Variants in ARHGEF38 observed in about 807,000 individuals in gnomAD.
The protein encoded by ARHGEF38 is Rho guanine nucleotide exchange factor 38, also known as Rho guanine nucleotide exchange factor (GEF) 38.
Under a neutral mutation model 79.9 loss-of-function variants are expected in ARHGEF38, and 79 were observed. The ratio of observed to expected loss-of-function variants is 0.99; its 90% CI spans 0.82 to 1.19. The LOEUF is 1.19. Among genes scored for constraint, ARHGEF38 ranks in the 50% most tolerant of loss-of-function variants. The probability of loss-of-function intolerance (pLI) is 0.00; values close to 1 mark genes in which losing one functional copy is unlikely to be tolerated. For synonymous variants in ARHGEF38, 366 were observed against 328.3 expected, an observed-to-expected ratio of 1.11 and a Z score of -1.24; for missense variants, 962 against 907.2, an observed-to-expected ratio of 1.06 and a Z score of -0.78.
intron 9 of ARHGEF38, among the ~76,000 whole-genome samples, chr4:105,656,413 C>T (rs1730328041): frequency 6.6e-6 from 1 of 152,236 alleles, no homozygotes; most frequent in East Asian, 1.9e-4. Context: ...GCAAAGACTT[C>T]CTATTGAGAA....
chr4:105,632,534 A>C (rs1274388646), intron 4 of ARHGEF38, among the ~76,000 whole-genome samples: 6 of 152,220 alleles, frequency 3.9e-5, no homozygotes, highest in South Asian at 2.1e-4. Context: ...TATTAGAAGC[A>C]CAGTCCTCTA....
intron 4 of ARHGEF38, chr4:105,631,672 G>A (rs1011096863): frequency 1.0e-6 from 1 of 980,568 alleles, no homozygotes; most frequent in East Asian, 1.1e-4. Flanking sequence ...AAAACCCCTT[G>A]CTATTTCACT....
chr4:105,609,352 T>C (rs1728187240), intron 2 of ARHGEF38, among the ~76,000 whole-genome samples: 1 of 152,086 alleles, frequency 6.6e-6, no homozygotes. Flanking sequence ...CATTGGTGTA[T>C]GTATCTGTTA....
chr4:105,616,019 A>G lies in ARHGEF38; in HGVS notation c.508+2512A>G, dbSNP rs191234386. 2.2e-3 allele frequency among the ~76,000 whole-genome samples: 332 copies of G among 152,260 alleles called. 4 individuals are homozygous for G. Among genetic ancestry groups the G allele is most frequent in the Non-Finnish European group, 7.8e-4 (53 of 68,018 alleles). ...TGGGTGGCCCATGTCATGACCTATG[A>G]GAGGCATGAAGCCATCGGGATGCCA... On this transcript the variant is annotated intron_variant, in intron 3 of 13. Coordinates refer to ENST00000420470, the MANE Select transcript of ARHGEF38 (RefSeq NM_001242729.2).
intron 1 of ARHGEF38, among the ~76,000 whole-genome samples, chr4:105,559,818 AG>A (rs1436639764): frequency 6.6e-6 from 1 of 152,038 alleles, no homozygotes; most frequent in Non-Finnish European, 1.5e-5. Flanking sequence ...TGAAAGTAAG[AG>A]GGAAGGGGAG....
chr4:105,593,907 T>G (rs756951088), intron 2 of ARHGEF38, among the ~76,000 whole-genome samples: 1 of 152,220 alleles, frequency 6.6e-6, no homozygotes, highest in Non-Finnish European at 1.5e-5. Flanking sequence ...ACATTTGGCT[T>G]TTGCTCTCAA....
At chr4:105,607,100 C>T (rs1211353034) in intron 2 of ARHGEF38, among the ~76,000 whole-genome samples, 2 of 152,068 alleles carry the variant, frequency 1.3e-5, no homozygotes, top group African/African-American at 2.4e-5. Flanking sequence ...TGATGGGGTT[C>T]AGGCCGATTC....
chr4:105,608,382 T>A (rs1728145412), intron 2 of ARHGEF38, among the ~76,000 whole-genome samples: 1 of 152,042 alleles, frequency 6.6e-6, no homozygotes, highest in Non-Finnish European at 1.5e-5. Context: ...TCTATTTAGA[T>A]CCTTTGCCCA....
In ARHGEF38 at chr4:105,584,800, A is replaced by G. The variant is rs540923684; in HGVS notation, c.197-4448A>G. Among the ~76,000 whole-genome samples, 39 of 152,334 alleles carry G rather than the reference A, an allele frequency of 2.6e-4. No homozygotes were observed. The South Asian group carries it at 4.6e-3, about 18-fold the overall frequency. ...AAATGGCAGTAGTAGTAGCAAAAGC[A>G]AGAAGAAAGGAAAAACAGGATAGGA... On this transcript the variant is annotated intron_variant, in intron 1 of 13. Transcript: ENST00000420470.
rs762317046 is a variant in ARHGEF38 at position 105,589,359 on chromosome 4, TACAG to T, written c.314_317del (p.Thr105LysfsTer8). On this transcript the variant is annotated frameshift_variant, in exon 2 of 14. Coordinates refer to ENST00000420470, the MANE Select transcript of ARHGEF38 (RefSeq NM_001242729.2). LOFTEE classifies it high-confidence loss of function. ...CGGGAAAAGATCATTAAGGAGCTGATACAGACAGAAAAGGATTATCTCAATGATC... is the reference window on the plus strand; with the variant it reads ...CGGGAAAAGATCATTAAGGAGCTGATACAGAAAAGGATTATCTCAATGATC... 1 of 1,614,116 alleles carries T rather than the reference TACAG, an allele frequency of 6.2e-7. No individual in the cohort carries two copies. Among genetic ancestry groups the T allele is most frequent in the East Asian group, 2.2e-5 (1 of 44,868 alleles).
intron 7 of ARHGEF38, among the ~76,000 whole-genome samples, chr4:105,651,995 A>G (rs752546640): frequency 2.6e-5 from 4 of 152,354 alleles, no homozygotes; most frequent in Middle Eastern, 3.4e-3. Flanking sequence ...TTATAAGGCC[A>G]AGACTCAGAC....
chr4:105,558,296 G>C (rs1027143740), intron 1 of ARHGEF38, among the ~76,000 whole-genome samples: 4 of 152,162 alleles, frequency 2.6e-5, no homozygotes, highest in African/African-American at 9.7e-5. Context: ...GGAAGACTTG[G>C]TGAGTTTTGT....
At chr4:105,642,565 G>A (rs1329024937) in intron 5 of ARHGEF38, among the ~76,000 whole-genome samples, 2 of 152,098 alleles carry the variant, frequency 1.3e-5, no homozygotes, top group South Asian at 2.1e-4. Flanking sequence ...TAAAGTTAAA[G>A]TTCTTAACAT....
chr4:105,675,400 A>G (rs1731085290), intron 13 of ARHGEF38, among the ~76,000 whole-genome samples: 1 of 152,208 alleles, frequency 6.6e-6, no homozygotes, highest in South Asian at 2.1e-4. Context: ...CTCCATTGCT[A>G]AAGAATTTAT....
intron 1 of ARHGEF38, among the ~76,000 whole-genome samples, chr4:105,565,524 G>T (rs1725844831): frequency 6.6e-6 from 1 of 152,140 alleles, no homozygotes; most frequent in South Asian, 2.1e-4. Flanking sequence ...ATATCTGGGG[G>T]TTTCGTAATG....
chr4:105,674,817 G>A (rs758179037), intron 13 of ARHGEF38, among the ~76,000 whole-genome samples: 2 of 151,886 alleles, frequency 1.3e-5, no homozygotes, highest in Non-Finnish European at 2.9e-5. Flanking sequence ...AGATCTAGAT[G>A]GAAGAGTTTA....
chr4:105,634,870 T>A (rs1729337464), intron 4 of ARHGEF38, among the ~76,000 whole-genome samples: 1 of 152,166 alleles, frequency 6.6e-6, no homozygotes, highest in Non-Finnish European at 1.5e-5. Flanking sequence ...GCTGCTCACA[T>A]TACTCCTGGA....
At chr4:105,583,294 TC>T (rs1218814633) in intron 1 of ARHGEF38, among the ~76,000 whole-genome samples, 3 of 152,214 alleles carry the variant, frequency 2.0e-5, no homozygotes, top group Non-Finnish European at 4.4e-5. Context: ...TTCTGCAATA[TC>T]ACAAAAATGT....
intron 7 of ARHGEF38, among the ~76,000 whole-genome samples, chr4:105,652,360 G>T (rs1730138948): frequency 1.3e-5 from 2 of 152,182 alleles, no homozygotes; most frequent in South Asian, 4.1e-4. Flanking sequence ...TAGTTAATCT[G>T]AAACAACCGA....
Sources: gnomAD v4.1 joint callset for allele counts (sites outside exome capture counted in the v4.1 genomes callset) on GRCh38, gnomAD v4.1.1 for gene constraint, MANE v1.5 for transcripts, NCBI Gene and HGNC (gene_info 2026-07-23, HGNC 2026-07-21) for gene names.